Variants in HRH1 observed in about 807,000 individuals in gnomAD.
HRH1 encodes histamine H1 receptor.
In HRH1, 6 loss-of-function variants were observed where a neutral mutation model predicts 10.3. The ratio of observed to expected loss-of-function variants is 0.58; its 90% CI spans 0.32 to 1.15. The LOEUF (loss-of-function observed/expected upper bound fraction) is 1.15. Among genes scored for constraint, HRH1 ranks in the 50% most tolerant of loss-of-function variants. HRH1 has a pLI of 0.05. For synonymous variants in HRH1, 242 were observed against 236.7 expected (o/e 1.02, Z -0.21); for missense variants, 514 against 615.3 (o/e 0.84, Z 1.74).
intron 1 of HRH1, among the ~76,000 whole-genome samples, chr3:11,205,744 C>T (rs1185188939): frequency 6.6e-6 from 1 of 151,610 alleles, no homozygotes; most frequent in African/African-American, 2.4e-5. Context: ...TCACTGTAAC[C>T]TCCGCCTCCC....
At chr3:11,138,756 C>T (rs1402745224) in intron 1 of HRH1, among the ~76,000 whole-genome samples, 5 of 149,398 alleles carry the variant, frequency 3.3e-5, no homozygotes, top group African/African-American at 1.2e-4. Flanking sequence ...CTCACTGCAG[C>T]CTCCATCTCC....
At position 11,247,806 on chromosome 3, in the gene HRH1, T is replaced by C. The variant is rs529134189; in HGVS notation, c.-35-11197T>C. Among the ~76,000 whole-genome samples the C allele has an allele frequency of 2.6e-5, 4 of 152,330 alleles. No homozygotes were observed. In the South Asian group the frequency reaches 8.3e-4, roughly 32 times the overall value. On this transcript the variant is annotated intron_variant, in intron 1 of 1. Transcript: ENST00000431010. ...GGGTGTCAAGAAGGAAGAGTTTATC[T>C]GAATAAGGTGGGGGGGAACTAAGGG...
At chr3:11,175,929 C>T (rs1243719193) in intron 1 of HRH1, among the ~76,000 whole-genome samples, 1 of 152,020 alleles carries the variant, frequency 6.6e-6, no homozygotes, top group Non-Finnish European at 1.5e-5. Context: ...GAGGCCAAGG[C>T]GGGCAGATTG....
intron 1 of HRH1, among the ~76,000 whole-genome samples, chr3:11,212,122 C>A (rs1254223232): frequency 1.3e-5 from 2 of 152,076 alleles, no homozygotes; most frequent in Non-Finnish European, 2.9e-5. Context: ...GAAATGGCCA[C>A]CTCCCCAGAT....
chr3:11,145,627 T>C (rs553850008), intron 1 of HRH1, among the ~76,000 whole-genome samples: 1 of 152,220 alleles, frequency 6.6e-6, no homozygotes, highest in Non-Finnish European at 1.5e-5. Flanking sequence ...TGGTAAAATG[T>C]ACAAATAATA....
intron 1 of HRH1, among the ~76,000 whole-genome samples, chr3:11,144,694 G>A (rs1472090613): frequency 2.6e-5 from 4 of 151,616 alleles, no homozygotes; most frequent in African/African-American, 9.7e-5. Flanking sequence ...ACACAGTTCT[G>A]ACTAAAGCAA....
intron 1 of HRH1, among the ~76,000 whole-genome samples, chr3:11,250,425 G>A (rs778997640): frequency 3.3e-5 from 5 of 151,890 alleles, no homozygotes; most frequent in African/African-American, 1.2e-4. Context: ...GGTATGATGC[G>A]TCCATCCTCT....
At chr3:11,179,091 C>A (rs1937300444) in intron 1 of HRH1, among the ~76,000 whole-genome samples, 1 of 152,078 alleles carries the variant, frequency 6.6e-6, no homozygotes, top group Non-Finnish European at 1.5e-5. Context: ...AGTTCAAGAC[C>A]AGCCTGGCCA....
chr3:11,230,926 A>T (rs2125044058), intron 1 of HRH1, among the ~76,000 whole-genome samples: 1 of 152,356 alleles, frequency 6.6e-6, no homozygotes, highest in East Asian at 1.9e-4. Context: ...CACAACCAAC[A>T]TATGGACATA....
intron 1 of HRH1, among the ~76,000 whole-genome samples, chr3:11,249,618 T>C (rs763102248): frequency 1.3e-5 from 2 of 152,134 alleles, no homozygotes; most frequent in Non-Finnish European, 2.9e-5. Flanking sequence ...ATATTGGCAA[T>C]TGGGAGGAGT....
intron 1 of HRH1, among the ~76,000 whole-genome samples, chr3:11,221,000 G>C (rs1938692959): frequency 6.6e-6 from 1 of 152,114 alleles, no homozygotes; most frequent in Non-Finnish European, 1.5e-5. Context: ...ATGTTAAATA[G>C]ACTCTCTGGA....
chr3:11,142,001 G>C (rs1936300822), intron 1 of HRH1, among the ~76,000 whole-genome samples: 1 of 152,158 alleles, frequency 6.6e-6, no homozygotes, highest in Non-Finnish European at 1.5e-5. Flanking sequence ...CTTTCAACAA[G>C]CCTTGTCTGA....
rs547435636 is a variant in HRH1 at position 11,184,645 on chromosome 3, G to T, written c.-36+30091G>T. On this transcript the variant is annotated intron_variant, in intron 1 of 1. Transcript: ENST00000431010. Reference sequence around the variant, plus strand: ...AATCAGGCTAATCTTGGCCGGGCCCGATGACTCGCACCTGTAATCCAATAG... The same window carrying T: ...AATCAGGCTAATCTTGGCCGGGCCCTATGACTCGCACCTGTAATCCAATAG... Among the ~76,000 whole-genome samples, 5 of 152,240 alleles carry T rather than the reference G, an allele frequency of 3.3e-5. No individual in the cohort carries two copies. The South Asian group carries it at 1.0e-3, about 32-fold the overall frequency.
At chr3:11,179,356 C>T (rs530643356) in intron 1 of HRH1, among the ~76,000 whole-genome samples, 1 of 151,890 alleles carries the variant, frequency 6.6e-6, no homozygotes, top group African/African-American at 2.4e-5. Flanking sequence ...CGCGGTGGCT[C>T]ACGCCTGTAA....
chr3:11,232,557 G>T (rs1038853240), intron 1 of HRH1, among the ~76,000 whole-genome samples: 1 of 151,986 alleles, frequency 6.6e-6, no homozygotes, highest in African/African-American at 2.4e-5. Context: ...TTTGAAATTG[G>T]GTAGGTCGAT....
At chr3:11,189,011 A>C (rs747818370) in intron 1 of HRH1, among the ~76,000 whole-genome samples, 80 of 152,130 alleles carry the variant, frequency 5.3e-4, no homozygotes, top group Non-Finnish European at 9.8e-4. Context: ...ATGCATACCT[A>C]ACTTTGCTAC....
At position 11,256,555 on chromosome 3, in the gene HRH1, C is replaced by G. The variant is rs948776956; in HGVS notation, c.-35-2448C>G. Among the ~76,000 whole-genome samples the G allele has an allele frequency of 2.0e-5, 3 of 152,260 alleles. No individual in the cohort carries two copies. The South Asian group carries it at 6.2e-4, about 32-fold the overall frequency. On this transcript the variant is annotated intron_variant, in intron 1 of 1. Transcript: ENST00000431010. ...GTGGCTCACACCTATAATCCCAGCA[C>G]TTTGGGAGGCTGAGGTGGGTGGATC...
chr3:11,142,315 C>T (rs1469520187), intron 1 of HRH1, among the ~76,000 whole-genome samples: 1 of 152,144 alleles, frequency 6.6e-6, no homozygotes, highest in Non-Finnish European at 1.5e-5. Context: ...TTCTCTGGGC[C>T]CAGCTGCCTT....
intron 1 of HRH1, chr3:11,234,634 G>A (rs542116749): frequency 2.2e-6 from 3 of 1,390,524 alleles, no homozygotes; most frequent in Non-Finnish European, 3.1e-6. Flanking sequence ...GTCTTCTTTG[G>A]TTATAAATAT....
Sources: gnomAD v4.1 joint callset for allele counts (sites outside exome capture counted in the v4.1 genomes callset) on GRCh38, gnomAD v4.1.1 for gene constraint, MANE v1.5 for transcripts, NCBI Gene and HGNC (gene_info 2026-07-23, HGNC 2026-07-21) for gene names.